CSNK2A2: variants seen among roughly 807,000 people sequenced by gnomAD.
The protein encoded by CSNK2A2 is casein kinase 2 alpha 2, also known as casein kinase II subunit alpha'.
In CSNK2A2, 8 loss-of-function variants were observed where a neutral mutation model predicts 54.0. The observed-to-expected ratio is 0.15, with a 90% CI of 0.09 to 0.27. The LOEUF is 0.27. Ranked by LOEUF, CSNK2A2 falls within the 10% of genes least tolerant of loss-of-function variation. The pLI, the probability that CSNK2A2 is intolerant of heterozygous loss-of-function variation, is 1.00. For synonymous variants in CSNK2A2, 141 were observed against 153.9 expected (o/e 0.92, Z 0.62); for missense variants, 242 against 439.4 (o/e 0.55, Z 4.02).
intron 11 of CSNK2A2, chr16:58,163,274 A>G (rs56139330): frequency 0.14 from 20,129 of 148,468 alleles, 1,908 homozygotes; most frequent in Admixed American, 0.26. Context: ...AAAAAAAAAA[A>G]AAAGAAAAAG....
intron 11 of CSNK2A2, chr16:58,158,936 T>C (rs184085035): frequency 4.6e-5 from 7 of 152,276 alleles, no homozygotes; most frequent in Admixed American, 4.6e-4. Flanking sequence ...AAGTGGGTGG[T>C]GAGATGCCGG....
intron 2 of CSNK2A2, among the ~76,000 whole-genome samples, chr16:58,188,803 T>G (rs976020063): frequency 2.6e-5 from 4 of 152,184 alleles, no homozygotes; most frequent in South Asian, 2.1e-4. Flanking sequence ...TGTGTGTATA[T>G]GTACACAAAT....
At position 58,164,106 on chromosome 16, in the gene CSNK2A2, C is replaced by T. The variant is rs1390575356; in HGVS notation, c.1018G>A (p.Ala340Thr). The T allele has an allele frequency of 3.7e-6, 6 of 1,613,984 alleles. No homozygotes were observed. The highest frequency in any genetic ancestry group is 3.3e-5 in the Admixed American group (2 of 59,998). Residue 340 changes from alanine (A) to threonine (T), a missense_variant, in exon 11 of 12, where the codon GCT (alanine) becomes ACT (threonine). Around this residue, in one of 5 missense-constraint regions of CSNK2A2, gnomAD observed 81 missense variants for 135.0 expected, o/e 0.60. Coordinates refer to ENST00000262506, the MANE Select transcript of CSNK2A2 (RefSeq NM_001896.4). ...KEQSQPCADN[A>T]VLSSGLTAAR ...GCCGTGAGACCACTGGAAAGCACAG[C>T]ATTGTCTGCACAAGGCTGGGACTGC... is the stretch of plus-strand genomic sequence containing the variant.
At chr16:58,167,347 G>C (rs374576432) in intron 7 of CSNK2A2, 39 bp from the exon 8 acceptor site, 6 of 1,483,428 alleles carry the variant, frequency 4.0e-6, no homozygotes, top group Admixed American at 3.8e-5. Flanking sequence ...AAGGGTATTA[G>C]AAATCCATTT....
intron 4 of CSNK2A2, among the ~76,000 whole-genome samples, chr16:58,174,853 G>A (rs968199082): frequency 1.3e-5 from 2 of 150,498 alleles, no homozygotes; most frequent in East Asian, 1.9e-4. Context: ...CATTCTTACC[G>A]AACATCAAGA....
rs530907605 is a variant in CSNK2A2, at chr16:58,177,684, C to T, written c.370-3174G>A. Among the ~76,000 whole-genome samples the T allele has an allele frequency of 1.4e-4, 22 of 152,348 alleles. No homozygotes were observed. The East Asian group carries it at 3.3e-3, about 23-fold the overall frequency. On this transcript the variant is annotated intron_variant, in intron 4 of 11. Coordinates refer to ENST00000262506, the MANE Select transcript of CSNK2A2 (RefSeq NM_001896.4). ...ACCTGCCAGATGTGGGAATCACCAA[C>T]ACACCAAACTCTCAAGCCACACAGT...
intron 2 of CSNK2A2, among the ~76,000 whole-genome samples, chr16:58,195,499 C>CT (rs202184204): frequency 0.07 from 10,718 of 152,168 alleles, 475 homozygotes; most frequent in South Asian, 0.21. Context: ...CACAGCTTTT[C>CT]TAGTCCACAG....
At position 58,196,726 on chromosome 16, in the gene CSNK2A2, C is replaced by T. The variant is rs144006030; in HGVS notation, c.216+7G>A. On this transcript the variant is annotated splice_region_variant and intron_variant, in intron 2 of 11. Transcript: ENST00000262506. Reference sequence around the variant, plus strand: ...AAAATGTTACATACCACTCATAGGACACTCACCTTCAGGATTTTTACAACC... The same window carrying T: ...AAAATGTTACATACCACTCATAGGATACTCACCTTCAGGATTTTTACAACC... The T allele has an allele frequency of 5.1e-4, 802 of 1,576,678 alleles. 7 individuals carry two copies. The African/African-American group carries it at 9.1e-3, about 18-fold the overall frequency.
Position 58,197,654 on chromosome 16 carries a change from T to C in CSNK2A2, c.83A>G (p.Glu28Gly). ...SLRSREYWDY[E>G]AHVPSWGNQD... ...TTACCCCCAGCTCGGGACGTGAGCC[T>C]CGTAGTCCCAGTACTCGCGGCTCCT... The change falls in exon 1 of 12, where the codon GAG becomes GGG. Residue 28 changes from glutamate (E) to glycine (G), a missense_variant. Coordinates refer to ENST00000262506, the MANE Select transcript of CSNK2A2 (RefSeq NM_001896.4). This position sits in a 1 kb window ranked among gnomAD's most constrained non-coding sequence, Gnocchi z 4.0. The C allele has an allele frequency of 1.3e-6, 2 of 1,573,122 alleles. No homozygotes were observed. The highest frequency in any genetic ancestry group is 1.7e-6 in the Non-Finnish European group (2 of 1,162,978).
intron 3 of CSNK2A2, 115 bp from the exon 4 acceptor site, chr16:58,184,425 T>A (rs998474928): frequency 1.5e-6 from 1 of 657,980 alleles, no homozygotes; most frequent in Non-Finnish European, 2.6e-6. Context: ...GATTCACTCA[T>A]CAGGGACAGC....
chr16:58,169,169 G>A (rs1022270442), intron 5 of CSNK2A2, among the ~76,000 whole-genome samples: 23 of 151,950 alleles, frequency 1.5e-4, no homozygotes, highest in Non-Finnish European at 3.1e-4. Context: ...CTCGTGATCC[G>A]CCAGCCTCGG....
At chr16:58,195,628 C>T (rs1171121713) in intron 2 of CSNK2A2, among the ~76,000 whole-genome samples, 3 of 152,180 alleles carry the variant, frequency 2.0e-5, no homozygotes, top group African/African-American at 7.2e-5. Flanking sequence ...CCGGCAATAA[C>T]GAGGACCCAT....
At position 58,168,569 on chromosome 16, in the gene CSNK2A2, G is replaced by C. The variant is rs570639813; in HGVS notation, c.513+41C>G. On this transcript the variant is annotated intron_variant, in intron 6 of 11. Coordinates refer to ENST00000262506, the MANE Select transcript of CSNK2A2 (RefSeq NM_001896.4). ...TGGACAGCTTTTTGGTCTGCTCTAA[G>C]CCTTTTAATCAAGCTTGTTGCTGCC... 2.0e-5 allele frequency: 32 copies of C among 1,567,104 alleles called. No individual in the cohort carries two copies. In the East Asian group the frequency reaches 6.9e-4, roughly 34 times the overall value.
intron 9 of CSNK2A2, among the ~76,000 whole-genome samples, 166 bp from the exon 10 acceptor site, chr16:58,165,874 T>C (rs777838852): frequency 2.0e-5 from 3 of 152,236 alleles, no homozygotes; most frequent in Non-Finnish European, 4.4e-5. Context: ...CATAGCATCC[T>C]GAAACACAAT....
chr16:58,175,016 T>C (rs905244090), intron 4 of CSNK2A2, among the ~76,000 whole-genome samples: 1 of 152,170 alleles, frequency 6.6e-6, no homozygotes, highest in African/African-American at 2.4e-5. Context: ...GGAGGTGCTA[T>C]AGCATTTGCA....
intron 4 of CSNK2A2, among the ~76,000 whole-genome samples, chr16:58,176,988 C>T (rs1025628194): frequency 2.6e-4 from 39 of 152,166 alleles, no homozygotes; most frequent in African/African-American, 8.4e-4. Flanking sequence ...GCAGAGTCAT[C>T]AAATTTGGTG....
intron 4 of CSNK2A2, among the ~76,000 whole-genome samples, chr16:58,175,893 C>A (rs183164753): frequency 6.6e-6 from 1 of 152,286 alleles, no homozygotes; most frequent in African/African-American, 2.4e-5. Context: ...CTGGCCCTGG[C>A]TACAGCTGAC....
At chr16:58,183,085 G>A (rs768756599) in intron 4 of CSNK2A2, among the ~76,000 whole-genome samples, 4 of 152,002 alleles carry the variant, frequency 2.6e-5, no homozygotes, top group African/African-American at 4.8e-5. Context: ...GGCCAGGCGC[G>A]ACAGTGGCTC....
chr16:58,158,470 C>CTTGGTGGAGAACCCTGTGAGAA (rs1349643936), intron 11 of CSNK2A2, 117 bp from the exon 12 acceptor site: 3 of 152,350 alleles, frequency 2.0e-5, no homozygotes. Context: ...TCCCATGCCA[C>CTTGGTGGAGAACCCTGTGAGAA]TTGGTGGAGA....
Sources: allele counts gnomAD v4.1 joint callset (sites outside exome capture counted in the v4.1 genomes callset), GRCh38; gene constraint gnomAD v4.1.1; regional missense constraint gnomAD v4.1.1; non-coding constraint Gnocchi (gnomAD v3.1); transcripts MANE v1.5; gene names NCBI Gene and HGNC (gene_info 2026-07-23, HGNC 2026-07-21).